DACH1: variants seen among roughly 807,000 people sequenced by gnomAD.
The protein encoded by DACH1 is dachshund homolog 1.
DACH1 carries 12 observed loss-of-function variants against 54.2 expected under a neutral mutation model. That is an observed-to-expected ratio of 0.22 (90% CI 0.14 to 0.36). The LOEUF (loss-of-function observed/expected upper bound fraction) is 0.36. DACH1 is among the 10% of genes least tolerant of loss of function. The pLI, the probability that DACH1 is intolerant of heterozygous loss-of-function variation, is 1.00. For synonymous variants in DACH1, 386 were observed against 366.2 expected (o/e 1.05, Z -0.62); for missense variants, 805 against 929.8 (o/e 0.87, Z 1.75).
chr13:71,855,772 T>G lies in DACH1; in HGVS notation c.848+10150A>C, dbSNP rs189765642. 9.9e-5 allele frequency among the ~76,000 whole-genome samples: 15 copies of G among 152,098 alleles called. No homozygotes were observed. In the East Asian group the frequency reaches 2.7e-3, roughly 27 times the overall value. ...GATACATAACCATTTAAAGTGTGACTCTAAGAAAAATTAAATATATTCCTA... is the reference window on the plus strand; with the variant it reads ...GATACATAACCATTTAAAGTGTGACGCTAAGAAAAATTAAATATATTCCTA... On this transcript the variant is annotated intron_variant, in intron 1 of 10. Coordinates refer to ENST00000613252, the MANE Select transcript of DACH1 (RefSeq NM_080759.6).
intron 3 of DACH1, among the ~76,000 whole-genome samples, chr13:71,619,022 AG>A (rs1231044947): frequency 3.3e-5 from 5 of 151,702 alleles, no homozygotes; most frequent in African/African-American, 1.2e-4. Flanking sequence ...AATGTTTTCT[AG>A]AAAGGCTATA....
chr13:71,559,995 TAA>T (rs758990028), intron 4 of DACH1, 40 bp from the exon 5 acceptor site: 71 of 1,453,826 alleles, frequency 4.9e-5, no homozygotes, highest in Non-Finnish European at 5.9e-5. Flanking sequence ...GAAAAGATGT[TAA>T]ATACAACGGA....
intron 2 of DACH1, among the ~76,000 whole-genome samples, chr13:71,670,367 T>C (rs1304616192): frequency 1.3e-5 from 2 of 152,170 alleles, no homozygotes; most frequent in African/African-American, 4.8e-5. Context: ...GAAAGCAATC[T>C]CCATTTTTAA....
At chr13:71,499,093 A>C (rs1268783588) in intron 6 of DACH1, among the ~76,000 whole-genome samples, 2 of 148,744 alleles carry the variant, frequency 1.3e-5, no homozygotes, top group Non-Finnish European at 3.0e-5. Context: ...CATTAAACAC[A>C]CACACATGCG....
chr13:71,552,793 AT>A (rs1883910724), intron 6 of DACH1, among the ~76,000 whole-genome samples: 2 of 9,702 alleles, frequency 2.1e-4, no homozygotes, highest in South Asian at 7.5e-3. Flanking sequence ...ATGGATGTGA[AT>A]ATATATATAT....
intron 1 of DACH1, among the ~76,000 whole-genome samples, chr13:71,814,580 T>A (rs1490510764): frequency 3.3e-5 from 5 of 152,226 alleles, no homozygotes; most frequent in Admixed American, 6.5e-5. Flanking sequence ...TAGATTGTAA[T>A]GGACTCTTTG....
rs148649653 is a variant in DACH1 at position 71,730,106 on chromosome 13, C to T, written c.849-48196G>A. On this transcript the variant is annotated intron_variant, in intron 1 of 10. Transcript: ENST00000613252. ...AAAAATAAAGAAACATGCTAGATGACGAGTTAGTGGGTGCAGCACACCAGC... is the reference window on the plus strand; with the variant it reads ...AAAAATAAAGAAACATGCTAGATGATGAGTTAGTGGGTGCAGCACACCAGC... Among the ~76,000 whole-genome samples, 667 of 151,810 alleles carry T rather than the reference C, an allele frequency of 4.4e-3. 3 individuals carry two copies. The highest frequency in any genetic ancestry group is 0.016 in the African/African-American group (642 of 41,376).
At chr13:71,622,483 G>A (rs967745544) in intron 3 of DACH1, among the ~76,000 whole-genome samples, 1 of 151,494 alleles carries the variant, frequency 6.6e-6, no homozygotes, top group African/African-American at 2.4e-5. Flanking sequence ...TAAAACAATC[G>A]AGTATCATAT....
chr13:71,547,837 C>T (rs1309996509), intron 6 of DACH1, among the ~76,000 whole-genome samples: 1 of 152,104 alleles, frequency 6.6e-6, no homozygotes, highest in East Asian at 1.9e-4. Context: ...TATTTACAAG[C>T]CCTGCAAACA....
chr13:71,582,864 G>A (rs1198849692), intron 3 of DACH1, among the ~76,000 whole-genome samples: 1 of 152,088 alleles, frequency 6.6e-6, no homozygotes, highest in African/African-American at 2.4e-5. Flanking sequence ...GCTGGCAATG[G>A]AAAGAATACT....
At chr13:71,571,866 G>A (rs1281788347) in intron 4 of DACH1, among the ~76,000 whole-genome samples, 1 of 151,760 alleles carries the variant, frequency 6.6e-6, no homozygotes, top group Non-Finnish European at 1.5e-5. Flanking sequence ...CTTCCGAGTA[G>A]CTGGGACTAC....
At chr13:71,444,307 A>G (rs1379170793) in intron 10 of DACH1, among the ~76,000 whole-genome samples, 1 of 152,110 alleles carries the variant, frequency 6.6e-6, no homozygotes, top group Non-Finnish European at 1.5e-5. Flanking sequence ...AAGCTTTCTA[A>G]TTCTTAATCC....
intron 6 of DACH1, among the ~76,000 whole-genome samples, chr13:71,508,847 T>C (rs2138251846): frequency 6.6e-6 from 1 of 152,232 alleles, no homozygotes; most frequent in South Asian, 2.1e-4. Flanking sequence ...TTAAAAATAA[T>C]ATAAAAAACT....
At chr13:71,636,580 A>AATT (rs1491088773) in intron 2 of DACH1, among the ~76,000 whole-genome samples, 1 of 146,826 alleles carries the variant, frequency 6.8e-6, no homozygotes, top group East Asian at 1.9e-4. Flanking sequence ...TAATAATAAT[A>AATT]ATTTTTCACT....
chr13:71,523,461 T>C (rs922859856), intron 6 of DACH1, among the ~76,000 whole-genome samples: 1 of 152,140 alleles, frequency 6.6e-6, no homozygotes, highest in Non-Finnish European at 1.5e-5. Context: ...CTGTCATTGC[T>C]CAGCCTCCAG....
At chr13:71,828,442 T>C (rs1263706840) in intron 1 of DACH1, among the ~76,000 whole-genome samples, 1 of 152,004 alleles carries the variant, frequency 6.6e-6, no homozygotes, top group Non-Finnish European at 1.5e-5. Context: ...GTTACACCCG[T>C]GCCATCGACA....
chr13:71,473,935 A>G lies in DACH1; in HGVS notation c.2083+1206T>C, dbSNP rs922074094. Among the ~76,000 whole-genome samples the G allele has an allele frequency of 3.3e-5, 5 of 152,316 alleles. No homozygotes were observed. In the East Asian group the frequency reaches 5.8e-4, roughly 18 times the overall value. ...TGAACATGTGTATGTAAGTTTTATA[A>G]GATGCAAGAGGATTCTTTTAATTGT... On this transcript the variant is annotated intron_variant, in intron 10 of 10. Transcript: ENST00000613252.
At position 71,674,786 on chromosome 13, in the gene DACH1, A is replaced by AG. The variant is rs113846751; in HGVS notation, c.964+7008dup. 6.3e-4 allele frequency among the ~76,000 whole-genome samples: 18 copies of AG among 28,696 alleles called. 1 individual carries two copies. Among genetic ancestry groups the AG allele is most frequent in the African/African-American group, 2.5e-3 (18 of 7,336 alleles). The allele number at this position is 28,696 out of a possible 152,430, so 18.8% of individuals were successfully genotyped here. ...TAAAGTTTAGGTGGGCCTTACAAAA[A>AG]GGAAAAAAAAAAGAAGACATACCCT... On this transcript the variant is annotated intron_variant, in intron 2 of 10. Transcript: ENST00000613252.
At chr13:71,464,014 T>C (rs571760176) in intron 10 of DACH1, among the ~76,000 whole-genome samples, 1 of 152,162 alleles carries the variant, frequency 6.6e-6, no homozygotes, top group Non-Finnish European at 1.5e-5. Flanking sequence ...AACTGTGTAG[T>C]TTCTGCCAGG....
Sources: gnomAD v4.1 joint callset for allele counts (sites outside exome capture counted in the v4.1 genomes callset) on GRCh38, gnomAD v4.1.1 for gene constraint, MANE v1.5 for transcripts, NCBI Gene and HGNC (gene_info 2026-07-23, HGNC 2026-07-21) for gene names.